The following MPZL1 variants were observed in gnomAD, a reference collection of about 807,000 sequenced individuals.
MPZL1 encodes myelin protein zero like 1, also known as myelin protein zero-like protein 1.
MPZL1 carries 16 observed loss-of-function variants against 29.3 expected under a neutral mutation model. The ratio of observed to expected loss-of-function variants is 0.55; its 90% CI spans 0.37 to 0.83. MPZL1 has a LOEUF of 0.83. MPZL1 is among the 40% of genes least tolerant of loss of function. MPZL1 has a pLI of 0.00. For synonymous variants in MPZL1, 143 were observed against 132.0 expected (o/e 1.08, Z -0.57); for missense variants, 279 against 332.9 (o/e 0.84, Z 1.26).
At chr1:167,747,526 G>A (rs55758497) in intron 1 of MPZL1, among the ~76,000 whole-genome samples, 215 of 152,184 alleles carry the variant, frequency 1.4e-3, no homozygotes, top group African/African-American at 4.5e-3. Flanking sequence ...TTTATTTCAC[G>A]TTTAAATAAA....
chr1:167,765,251 A>G (rs1253044399), intron 1 of MPZL1: 7 of 156,066 alleles, frequency 4.5e-5, no homozygotes, highest in African/African-American at 1.7e-4. Context: ...GAGTGAGGGA[A>G]TATGAGAATT....
intron 5 of MPZL1, among the ~76,000 whole-genome samples, chr1:167,786,460 T>C (rs1661595095): frequency 6.6e-6 from 1 of 152,222 alleles, no homozygotes; most frequent in South Asian, 2.1e-4. Context: ...TGAAGAAACT[T>C]GTGCTTAGAA....
intron 1 of MPZL1, among the ~76,000 whole-genome samples, chr1:167,740,923 C>T (rs1660506012): frequency 1.3e-5 from 2 of 152,206 alleles, no homozygotes; most frequent in South Asian, 2.1e-4. Context: ...AATCTAATAG[C>T]AAGAAGTCCT....
intron 2 of MPZL1, among the ~76,000 whole-genome samples, chr1:167,766,962 C>G (rs760952120): frequency 6.6e-6 from 1 of 151,202 alleles, no homozygotes; most frequent in African/African-American, 2.4e-5. Context: ...TTAAAAGGAG[C>G]CTTTTCACAT....
rs193086331 is a variant in MPZL1, at chr1:167,785,815, C to T, written c.709-2005C>T. On this transcript the variant is annotated intron_variant, in intron 5 of 5. Transcript: ENST00000359523. ...CAGTCTTTTTTTTGTTTTTTTGAGA[C>T]GGAGTCTCGCTTTGTCACCCGGGCT... 6.4e-3 allele frequency among the ~76,000 whole-genome samples: 971 copies of T among 152,066 alleles called. 9 individuals are homozygous for T. Among genetic ancestry groups the T allele is most frequent in the African/African-American group, 0.021 (885 of 41,482 alleles).
chr1:167,738,476 A>C (rs188062531), intron 1 of MPZL1, among the ~76,000 whole-genome samples: 4 of 152,148 alleles, frequency 2.6e-5, no homozygotes, highest in African/African-American at 7.2e-5. Context: ...TATTTTTCCT[A>C]CTATTTATAG....
chr1:167,722,294 C>T, intron 1 of MPZL1, 52 bp downstream of exon 1: 18 of 1,232,612 alleles, frequency 1.5e-5, no homozygotes, highest in Non-Finnish European at 1.8e-5. Context: ...CCCCCGGGCC[C>T]GACACACGCC....
chr1:167,760,049 A>G (rs1014930614), intron 1 of MPZL1, among the ~76,000 whole-genome samples: 1 of 152,122 alleles, frequency 6.6e-6, no homozygotes, highest in African/African-American at 2.4e-5. Context: ...TCTGTGGACT[A>G]GTTGCTGTGA....
At chr1:167,733,388 A>G (rs1294148468) in intron 1 of MPZL1, among the ~76,000 whole-genome samples, 1 of 152,194 alleles carries the variant, frequency 6.6e-6, no homozygotes, top group Non-Finnish European at 1.5e-5. Context: ...AGAGTGTCAC[A>G]AAGTTCTTTT....
At chr1:167,725,896 A>T (rs564577572) in intron 1 of MPZL1, among the ~76,000 whole-genome samples, 7 of 152,288 alleles carry the variant, frequency 4.6e-5, no homozygotes, top group African/African-American at 1.4e-4. Flanking sequence ...GATTACAGGC[A>T]TGAGCCACCA....
chr1:167,781,993 C>T (rs951383268), intron 5 of MPZL1, among the ~76,000 whole-genome samples: 3 of 151,950 alleles, frequency 2.0e-5, no homozygotes, highest in Admixed American at 6.6e-5. Flanking sequence ...TTTTATGGAA[C>T]TCTGATTATA....
chr1:167,722,538 G>C (rs112076746), intron 1 of MPZL1, among the ~76,000 whole-genome samples: 74 of 152,226 alleles, frequency 4.9e-4, no homozygotes, highest in African/African-American at 1.6e-3. Flanking sequence ...GAGCGGACCC[G>C]GCGGGCGGCT....
At chr1:167,786,871 ATCTT>A (rs1453682680) in intron 5 of MPZL1, among the ~76,000 whole-genome samples, 5 of 152,360 alleles carry the variant, frequency 3.3e-5, no homozygotes, top group Middle Eastern at 3.4e-3. Context: ...GTAATATTAA[ATCTT>A]TCTTTTAAAA....
At chr1:167,751,222 C>G (rs976462786) in intron 1 of MPZL1, among the ~76,000 whole-genome samples, 1 of 152,186 alleles carries the variant, frequency 6.6e-6, no homozygotes, top group East Asian at 1.9e-4. Flanking sequence ...TAAACTTTCA[C>G]TCACCATATT....
At chr1:167,783,229 A>G (rs1163945018) in intron 5 of MPZL1, among the ~76,000 whole-genome samples, 2 of 152,164 alleles carry the variant, frequency 1.3e-5, no homozygotes, top group Non-Finnish European at 2.9e-5. Context: ...GACCAGAACC[A>G]AACTGGGGCT....
chr1:167,751,073 G>A (rs1352009085), intron 1 of MPZL1, among the ~76,000 whole-genome samples: 2 of 152,164 alleles, frequency 1.3e-5, no homozygotes, highest in African/African-American at 4.8e-5. Context: ...TCCACTGCTG[G>A]TGATGTTGAC....
chr1:167,757,490 G>T (rs1395875516), intron 1 of MPZL1, among the ~76,000 whole-genome samples: 1 of 152,204 alleles, frequency 6.6e-6, no homozygotes, highest in Non-Finnish European at 1.5e-5. Flanking sequence ...GGGCACCCAT[G>T]TACTCATGAC....
At chr1:167,771,720 GGGTGGC>G (rs1558122895) in intron 2 of MPZL1, among the ~76,000 whole-genome samples, 6 of 152,146 alleles carry the variant, frequency 3.9e-5, no homozygotes, top group African/African-American at 1.4e-4. Context: ...TTCCTAGATG[GGGTGGC>G]AGCTGGGCAG....
At chr1:167,755,419 T>G (rs1660849279) in intron 1 of MPZL1, among the ~76,000 whole-genome samples, 1 of 152,212 alleles carries the variant, frequency 6.6e-6, no homozygotes, top group Non-Finnish European at 1.5e-5. Flanking sequence ...AAGAGCAATT[T>G]TAATATGCCA....
Sources: allele counts gnomAD v4.1 joint callset (sites outside exome capture counted in the v4.1 genomes callset), GRCh38; gene constraint gnomAD v4.1.1; transcripts MANE v1.5; gene names NCBI Gene and HGNC (gene_info 2026-07-23, HGNC 2026-07-21).